Variants in FAM135A observed in about 807,000 individuals in gnomAD.
The protein encoded by FAM135A is protein FAM135A.
A neutral mutation model predicts 146.8 loss-of-function variants in FAM135A; 79 were observed. That is an observed-to-expected ratio of 0.54 (90% CI 0.45 to 0.65). The LOEUF is 0.65. FAM135A is among the 30% of genes least tolerant of loss of function. FAM135A has a pLI of 0.00. For synonymous variants in FAM135A, 562 were observed against 603.6 expected, an observed-to-expected ratio of 0.93 and a Z score of 1.01; for missense variants, 1,623 against 1,758.2, an observed-to-expected ratio of 0.92 and a Z score of 1.38.
At chr6:70,450,488 T>G (rs538858502) in intron 4 of FAM135A, among the ~76,000 whole-genome samples, 1 of 152,174 alleles carries the variant, frequency 6.6e-6, no homozygotes, top group East Asian at 1.9e-4. Flanking sequence ...TGCCTGAGGA[T>G]ATCCAGTTTT....
chr6:70,463,162 C>T (rs1020784577), intron 5 of FAM135A, among the ~76,000 whole-genome samples: 1 of 152,242 alleles, frequency 6.6e-6, no homozygotes, highest in South Asian at 2.1e-4. Context: ...TTTGTGCATG[C>T]TCTCCTCTCT....
chr6:70,557,681 C>T (rs372910912), intron 21 of FAM135A: 7 of 110,498 alleles, frequency 6.3e-5, no homozygotes, highest in East Asian at 4.6e-4. Flanking sequence ...GAGACAAGAA[C>T]GAAACTCTGT....
intron 2 of FAM135A, among the ~76,000 whole-genome samples, chr6:70,421,573 A>G (rs1394362572): frequency 6.6e-6 from 1 of 152,194 alleles, no homozygotes; most frequent in Admixed American, 6.5e-5. Context: ...TCTTGTCTCT[A>G]AGGGCTTTTC....
At chr6:70,479,925 A>T (rs577487324) in intron 8 of FAM135A, among the ~76,000 whole-genome samples, 23 of 152,300 alleles carry the variant, frequency 1.5e-4, no homozygotes, top group African/African-American at 5.5e-4. Flanking sequence ...AACACATTGT[A>T]TGAAGTGGAA....
chr6:70,489,034 A>G (rs1785291474), intron 10 of FAM135A, among the ~76,000 whole-genome samples: 1 of 152,344 alleles, frequency 6.6e-6, no homozygotes, highest in African/African-American at 2.4e-5. Flanking sequence ...CAGTAGCTAT[A>G]ATGCAAACAT....
chr6:70,455,956 A>G (rs986664698), intron 5 of FAM135A, among the ~76,000 whole-genome samples: 2 of 152,206 alleles, frequency 1.3e-5, no homozygotes, highest in South Asian at 2.1e-4. Flanking sequence ...GGTTCAAGCA[A>G]TTCTCTTGTC....
At chr6:70,509,803 T>A (rs1790588707) in intron 12 of FAM135A, among the ~76,000 whole-genome samples, 1 of 152,148 alleles carries the variant, frequency 6.6e-6, no homozygotes, top group Non-Finnish European at 1.5e-5. Flanking sequence ...ACCCAGGCAG[T>A]AGATGCAGAC....
At position 70,536,240 on chromosome 6, in the gene FAM135A, ATT is replaced by A; in HGVS notation, c.3966-12_3966-11del. On this transcript the variant is annotated intron_variant, in intron 18 of 21. Coordinates refer to ENST00000418814, the MANE Select transcript of FAM135A (RefSeq NM_001162529.3). ...TAAAACTAATGCTGTGAGAAAATTA[ATT>A]TTTTTTTCCTCTTAAAGCTTTATTG... The A allele has an allele frequency of 6.3e-7, 1 of 1,575,362 alleles. No homozygotes were observed. Among genetic ancestry groups the A allele is most frequent in the Non-Finnish European group, 8.6e-7 (1 of 1,162,224 alleles).
At chr6:70,463,567 T>C (rs9294872) in intron 5 of FAM135A, among the ~76,000 whole-genome samples, 30,690 of 152,064 alleles carry the variant, frequency 0.2, 3,397 homozygotes, top group African/African-American at 0.29. Flanking sequence ...GCCCATAGCA[T>C]TTTCTATGTA....
In FAM135A at chr6:70,506,929, A is replaced by G. The variant is rs148743155; in HGVS notation, c.1029+4138A>G. Among the ~76,000 whole-genome samples, 473 of 152,092 alleles carry G rather than the reference A, an allele frequency of 3.1e-3. 4 individuals are homozygous for G. The highest frequency in any genetic ancestry group is 0.011 in the African/African-American group (440 of 41,510). The stretch of plus-strand genomic sequence containing the variant: ...AGGCAACTTTATAGCTTGATATTCA[A>G]TGGGAAGGAAGCTATTCTGGGTGGA... On this transcript the variant is annotated intron_variant, in intron 12 of 21. Transcript: ENST00000418814.
At chr6:70,538,214 T>C (rs1481507164) in intron 19 of FAM135A, 77 bp from the exon 20 acceptor site, 1 of 861,332 alleles carries the variant, frequency 1.2e-6, no homozygotes, top group Non-Finnish European at 1.6e-6. Flanking sequence ...AAGTGAAATA[T>C]ATATTAAAAT....
intron 2 of FAM135A, among the ~76,000 whole-genome samples, chr6:70,418,004 G>GA (rs946034099): frequency 1.3e-5 from 2 of 152,128 alleles, no homozygotes; most frequent in Admixed American, 1.3e-4. Flanking sequence ...CCACCAAAGA[G>GA]AAAAAATTAG....
chr6:70,492,428 C>T (rs1326629328), intron 11 of FAM135A, among the ~76,000 whole-genome samples: 1 of 151,736 alleles, frequency 6.6e-6, no homozygotes, highest in African/African-American at 2.4e-5. Flanking sequence ...TATGAAATGA[C>T]TCCCTCAGAC....
chr6:70,500,012 G>T (rs1788125573), intron 11 of FAM135A, among the ~76,000 whole-genome samples: 1 of 152,112 alleles, frequency 6.6e-6, no homozygotes, highest in Non-Finnish European at 1.5e-5. Flanking sequence ...TCCTGAGTTT[G>T]AATGTTGGCC....
chr6:70,423,917 T>C (rs1174154718), intron 2 of FAM135A, among the ~76,000 whole-genome samples: 4 of 152,224 alleles, frequency 2.6e-5, no homozygotes, highest in East Asian at 1.9e-4. Context: ...ATCACAGTTA[T>C]CTACTCCTCC....
At chr6:70,554,692 A>AT (rs1174385405) in intron 20 of FAM135A, among the ~76,000 whole-genome samples, 1 of 152,070 alleles carries the variant, frequency 6.6e-6, no homozygotes, top group African/African-American at 2.4e-5. Flanking sequence ...CAGTGGCACA[A>AT]TATCAGCTCA....
At chr6:70,467,818 C>T (rs989281449) in intron 5 of FAM135A, among the ~76,000 whole-genome samples, 2 of 151,866 alleles carry the variant, frequency 1.3e-5, no homozygotes, top group African/African-American at 2.4e-5. Flanking sequence ...CAATGTTTTC[C>T]TGTTTCATGA....
chr6:70,508,901 G>T (rs1460163111), intron 12 of FAM135A, among the ~76,000 whole-genome samples: 1 of 152,178 alleles, frequency 6.6e-6, no homozygotes, highest in Non-Finnish European at 1.5e-5. Context: ...ATTTCTGTAT[G>T]TGAAGTATTA....
chr6:70,502,702 T>G lies in FAM135A; in HGVS notation c.940T>G (p.Leu314Val). ...NMNLAQLCSL[L>V]MALWGQFLEV... ...GAATCTTGCGCAACTTTGCTCACTT[T>G]TGATGGCTTTATGGGGACAGTTTCT... The change falls in exon 12 of 22, where the codon TTG becomes GTG. Residue 314 changes from leucine to valine, a missense_variant. By Grantham distance (32) the Leu-to-Val change is conservative. This residue lies in a region of FAM135A where 206 missense variants were observed against 194.7 expected (regional missense o/e 1.06). Transcript: ENST00000418814. 1 of 1,613,538 alleles carries G rather than the reference T, an allele frequency of 6.2e-7. No homozygotes were observed. The highest frequency in any genetic ancestry group is 8.5e-7 in the Non-Finnish European group (1 of 1,179,698).
Sources: allele counts gnomAD v4.1 joint callset (sites outside exome capture counted in the v4.1 genomes callset), GRCh38; gene constraint gnomAD v4.1.1; regional missense constraint gnomAD v4.1.1; transcripts MANE v1.5; gene names NCBI Gene and HGNC (gene_info 2026-07-23, HGNC 2026-07-21).